The following AGMO variants were observed in gnomAD, a reference collection of about 807,000 sequenced individuals.
AGMO encodes alkylglycerol monooxygenase.
A neutral mutation model predicts 60.2 loss-of-function variants in AGMO; 75 were observed. The ratio of observed to expected loss-of-function variants is 1.25; its 90% confidence interval spans 1.03 to 1.51. The LOEUF (loss-of-function observed/expected upper bound fraction) is 1.51. Among genes scored for constraint, AGMO ranks in the 40% most tolerant of loss-of-function variants. AGMO has a pLI of 0.00. For synonymous variants in AGMO, 261 were observed against 177.1 expected, an observed-to-expected ratio of 1.47 and a Z score of -3.76; for missense variants, 763 against 525.5, an observed-to-expected ratio of 1.45 and a Z score of -4.42.
At chr7:15,206,342 TATAC>T (rs1781439837) in intron 12 of AGMO, among the ~76,000 whole-genome samples, 1 of 116,430 alleles carries the variant, frequency 8.6e-6, no homozygotes, top group Non-Finnish European at 2.0e-5. Context: ...ATATTCTATA[TATAC>T]AAACATATTT....
At chr7:15,367,209 A>G (rs1448180848) in intron 10 of AGMO, among the ~76,000 whole-genome samples, 1 of 151,922 alleles carries the variant, frequency 6.6e-6, no homozygotes, top group Non-Finnish European at 1.5e-5. Context: ...ACAGTTGCAT[A>G]AAGTGGGTTT....
At chr7:15,320,900 A>C (rs1310538818) in intron 12 of AGMO, among the ~76,000 whole-genome samples, 3 of 152,150 alleles carry the variant, frequency 2.0e-5, no homozygotes, top group East Asian at 3.9e-4. Flanking sequence ...TAAAACAATA[A>C]AGTTTAACTG....
At chr7:15,453,998 A>G (rs1052749957) in intron 3 of AGMO, among the ~76,000 whole-genome samples, 1 of 148,278 alleles carries the variant, frequency 6.7e-6, no homozygotes, top group East Asian at 1.9e-4. Flanking sequence ...TATATATTTT[A>G]AAAGTATATA....
the AGMO span, among the ~76,000 whole-genome samples, chr7:15,131,282 T>G: frequency 1.3e-5 from 2 of 152,112 alleles, no homozygotes; most frequent in Non-Finnish European, 2.9e-5. Context: ...CAAAGTGGAG[T>G]TAGAGCTCCA....
At chr7:15,432,361 T>TATAC (rs370437254) in intron 3 of AGMO, among the ~76,000 whole-genome samples, 15 of 123,900 alleles carry the variant, frequency 1.2e-4, no homozygotes, top group African/African-American at 3.7e-4. Flanking sequence ...CATATATATA[T>TATAC]ACACACACAT....
chr7:15,254,531 T>C (rs568556244), intron 12 of AGMO, among the ~76,000 whole-genome samples: 15 of 152,288 alleles, frequency 9.8e-5, no homozygotes, highest in African/African-American at 3.6e-4. Context: ...CATTTCTTTA[T>C]AGAAATGTTT....
At chr7:15,303,939 G>C (rs1421539629) in intron 12 of AGMO, among the ~76,000 whole-genome samples, 1 of 152,038 alleles carries the variant, frequency 6.6e-6, no homozygotes, top group Non-Finnish European at 1.5e-5. Flanking sequence ...TATAGACCTG[G>C]AAGAGAATAG....
In AGMO at chr7:15,560,240, A is replaced by G; in HGVS notation, c.158T>C (p.Leu53Pro). ...GAGAATCCAGCTGACAACAAGTTCA[A>G]GCAGCATCAAAGAAATGAAAAATGG... ...ATPFFISLML[L>P]ELVVSWILKG... The change falls in exon 2 of 13, where the codon CTT (leucine) becomes CCT (proline). Residue 53 changes from leucine (L) to proline (P), a missense_variant. Transcript: ENST00000342526. 6.2e-7 allele frequency: 1 copy of G among 1,612,918 alleles called. No homozygotes were observed. The highest frequency in any genetic ancestry group is 8.5e-7 in the Non-Finnish European group (1 of 1,179,154).
chr7:15,212,965 A>G (rs1781637785), intron 12 of AGMO, among the ~76,000 whole-genome samples: 1 of 151,972 alleles, frequency 6.6e-6, no homozygotes, highest in Admixed American at 6.6e-5. Context: ...ATATTGTGTT[A>G]TTATTGTCAG....
At chr7:15,460,151 G>A (rs527633673) in intron 3 of AGMO, among the ~76,000 whole-genome samples, 6 of 140,250 alleles carry the variant, frequency 4.3e-5, no homozygotes, top group African/African-American at 1.6e-4. Context: ...CTGTCCCCCA[G>A]GCCGGAGTGC....
chr7:15,347,975 A>C (rs1782094716), intron 12 of AGMO, among the ~76,000 whole-genome samples: 1 of 152,022 alleles, frequency 6.6e-6, no homozygotes, highest in African/African-American at 2.4e-5. Context: ...CTTTACTCTT[A>C]CTAAATATAG....
chr7:15,339,253 T>A lies in AGMO; in HGVS notation c.1263+26261A>T, dbSNP rs146384235. On this transcript the variant is annotated intron_variant, in intron 12 of 12. Transcript: ENST00000342526. The stretch of plus-strand genomic sequence containing the variant: ...TGCAAAAATATCTACAGGGCCAGAA[T>A]TCACCACACAAAGCCCTGACATGGA... Among the ~76,000 whole-genome samples, 761 of 152,270 alleles carry A rather than the reference T, an allele frequency of 5.0e-3. 9 individuals carry two copies. The highest frequency in any genetic ancestry group is 0.017 in the African/African-American group (717 of 41,554).
chr7:15,170,024 A>T, the AGMO span, among the ~76,000 whole-genome samples: 2 of 152,228 alleles, frequency 1.3e-5, no homozygotes, highest in Non-Finnish European at 2.9e-5. Flanking sequence ...GGATGGGTAC[A>T]GTTACCTGAG....
the AGMO span, among the ~76,000 whole-genome samples, chr7:15,144,177 T>G: frequency 9.2e-5 from 14 of 152,102 alleles, no homozygotes; most frequent in East Asian, 5.8e-4. Context: ...ATTCTGTGGG[T>G]TTTTTTTCTT....
At chr7:15,393,987 A>ATTTC (rs1784259748) in intron 6 of AGMO, 126 bp downstream of exon 6, 1 of 711,596 alleles carries the variant, frequency 1.4e-6, no homozygotes, top group Admixed American at 2.8e-5. Context: ...AAAAGAAGAA[A>ATTTC]CTATTATTTA....
At chr7:15,206,176 G>A (rs1468256652) in intron 12 of AGMO, among the ~76,000 whole-genome samples, 2 of 151,994 alleles carry the variant, frequency 1.3e-5, no homozygotes, top group African/African-American at 4.8e-5. Flanking sequence ...AATGGAACTA[G>A]AATATAAATT....
intron 12 of AGMO, among the ~76,000 whole-genome samples, chr7:15,308,496 G>A (rs899185110): frequency 3.3e-5 from 5 of 151,962 alleles, no homozygotes; most frequent in Admixed American, 6.6e-5. Context: ...CACAGTAACT[G>A]TTTGTTGTCT....
chr7:15,388,148 G>T (rs187832040), intron 8 of AGMO, among the ~76,000 whole-genome samples: 5 of 152,088 alleles, frequency 3.3e-5, no homozygotes, highest in African/African-American at 1.2e-4. Context: ...AGTTTTCAAT[G>T]AGTTGAACCA....
intron 12 of AGMO, among the ~76,000 whole-genome samples, chr7:15,265,033 T>C (rs1000682386): frequency 2.0e-5 from 3 of 152,066 alleles, no homozygotes; most frequent in South Asian, 2.1e-4. Context: ...AATAAACCTA[T>C]GTGCCCATCA....
Sources: allele counts gnomAD v4.1 joint callset (sites outside exome capture counted in the v4.1 genomes callset), GRCh38; gene constraint gnomAD v4.1.1; transcripts MANE v1.5; gene names NCBI Gene and HGNC (gene_info 2026-07-23, HGNC 2026-07-21).